The following ATOSA variants were observed in gnomAD, a reference collection of about 807,000 sequenced individuals.
ATOSA encodes the protein atos homolog A, also known as atos homolog protein A.
chr15:52,581,769 C>T, the ATOSA span: 2 of 158,662 alleles, frequency 1.3e-5, no homozygotes, highest in African/African-American at 4.8e-5. Context: ...TTGATTTCAA[C>T]ATTAATGTCA....
At chr15:52,659,153 G>A in the ATOSA span, among the ~76,000 whole-genome samples, 11 of 152,134 alleles carry the variant, frequency 7.2e-5, no homozygotes, top group African/African-American at 2.7e-4. Context: ...GCCCCAGGAA[G>A]AAAGGACTTT....
the ATOSA span, among the ~76,000 whole-genome samples, chr15:52,641,573 A>G: frequency 6.6e-6 from 1 of 152,368 alleles, no homozygotes; most frequent in African/African-American, 2.4e-5. Context: ...AAGAAAGAAT[A>G]TCCACCAGTT....
At chr15:52,608,475 A>C in the ATOSA span, 2 of 1,270,050 alleles carry the variant, frequency 1.6e-6, no homozygotes, top group Non-Finnish European at 2.2e-6. Context: ...AGATAATGGA[A>C]CCTTGGGCCT....
chr15:52,672,284 G>C, the ATOSA span, among the ~76,000 whole-genome samples: 13 of 151,794 alleles, frequency 8.6e-5, no homozygotes, highest in Non-Finnish European at 1.6e-4. Flanking sequence ...AGGAGTTGGA[G>C]GCTACAGTGA....
At chr15:52,645,820 G>C in the ATOSA span, among the ~76,000 whole-genome samples, 2 of 152,142 alleles carry the variant, frequency 1.3e-5, no homozygotes, top group Non-Finnish European at 2.9e-5. Flanking sequence ...CATACAGAAA[G>C]AACTCTGAGA....
At chr15:52,606,170 G>A in the ATOSA span, among the ~76,000 whole-genome samples, 1 of 151,910 alleles carries the variant, frequency 6.6e-6, no homozygotes, top group Non-Finnish European at 1.5e-5. Context: ...ATAAAACTAT[G>A]TCAATATTAA....
At chr15:52,693,196 G>C in the ATOSA span, among the ~76,000 whole-genome samples, 1 of 152,106 alleles carries the variant, frequency 6.6e-6, no homozygotes, top group Non-Finnish European at 1.5e-5. Flanking sequence ...AAGGCGGGTG[G>C]ATCACTTGAG....
the ATOSA span, among the ~76,000 whole-genome samples, chr15:52,583,347 T>C: frequency 6.6e-6 from 1 of 152,176 alleles, no homozygotes; most frequent in Non-Finnish European, 1.5e-5. Context: ...TGAATCTTTT[T>C]CTAGTTTGGT....
At chr15:52,694,788 A>G in the ATOSA span, among the ~76,000 whole-genome samples, 5 of 152,214 alleles carry the variant, frequency 3.3e-5, no homozygotes, top group Non-Finnish European at 4.4e-5. Flanking sequence ...ACTGTTTTAC[A>G]ACAGCACTGC....
At chr15:52,614,353 G>A in the ATOSA span, among the ~76,000 whole-genome samples, 15,073 of 151,280 alleles carry the variant, frequency 0.1, 798 homozygotes, top group Middle Eastern at 0.13. Flanking sequence ...TGATCCACCC[G>A]CCTCGGCCTC....
the ATOSA span, among the ~76,000 whole-genome samples, chr15:52,603,016 T>A: frequency 6.6e-6 from 1 of 152,232 alleles, no homozygotes; most frequent in Non-Finnish European, 1.5e-5. Flanking sequence ...AATGTCTTCC[T>A]GTATTGACTT....
chr15:52,633,994 G>A, the ATOSA span, among the ~76,000 whole-genome samples: 1 of 152,128 alleles, frequency 6.6e-6, no homozygotes, highest in Non-Finnish European at 1.5e-5. Context: ...AATATTGCTT[G>A]GAGGTAGCCT....
the ATOSA span, chr15:52,593,604 C>G: frequency 6.4e-7 from 1 of 1,574,052 alleles, no homozygotes; most frequent in African/African-American, 1.3e-5. Flanking sequence ...GCATTGTCAT[C>G]TGAAACACTG....
At chr15:52,587,174 GT>G in the ATOSA span, 1 of 1,613,354 alleles carries the variant, frequency 6.2e-7, no homozygotes, top group Non-Finnish European at 8.5e-7. Context: ...CCTGAAGGAG[GT>G]ACTCGATAAC....
the ATOSA span, among the ~76,000 whole-genome samples, chr15:52,637,323 C>A: frequency 2.0e-5 from 3 of 151,928 alleles, no homozygotes; most frequent in Non-Finnish European, 2.9e-5. Flanking sequence ...AAAATTAAGA[C>A]AAAAGAATGA....
At chr15:52,617,884 A>G in the ATOSA span, among the ~76,000 whole-genome samples, 6 of 151,770 alleles carry the variant, frequency 4.0e-5, no homozygotes, top group Non-Finnish European at 8.8e-5. Flanking sequence ...CCAAATCCAC[A>G]TAATTGTAAC....
the ATOSA span, among the ~76,000 whole-genome samples, chr15:52,594,622 G>A: frequency 6.6e-6 from 1 of 152,092 alleles, no homozygotes; most frequent in Non-Finnish European, 1.5e-5. Context: ...AAAGACCTGG[G>A]TCACAATCAA....
At chr15:52,689,757 GC>G in the ATOSA span, among the ~76,000 whole-genome samples, 1 of 152,184 alleles carries the variant, frequency 6.6e-6, no homozygotes, top group East Asian at 1.9e-4. Flanking sequence ...TTAGTGATTG[GC>G]CAATCGTATT....
chr15:52,661,944 A>AC, the ATOSA span, among the ~76,000 whole-genome samples: 1 of 151,492 alleles, frequency 6.6e-6, no homozygotes. Flanking sequence ...AAAAAAAAAA[A>AC]AAAAAAAACA....
Sources: gnomAD v4.1 joint callset for allele counts (sites outside exome capture counted in the v4.1 genomes callset) on GRCh38, gnomAD v4.1.1 for gene constraint, MANE v1.5 for transcripts, NCBI Gene and HGNC (gene_info 2026-07-23, HGNC 2026-07-21) for gene names.